PACRG: variants seen among roughly 807,000 people sequenced by gnomAD.
The protein encoded by PACRG is parkin coregulated gene protein.
Under a neutral mutation model 29.7 loss-of-function variants are expected in PACRG, and 29 were observed. That is an observed-to-expected ratio of 0.98 (90% CI 0.73 to 1.33). The LOEUF is 1.33. Among genes scored for constraint, PACRG ranks in the 40% most tolerant of loss-of-function variants. The probability of loss-of-function intolerance (pLI) is 0.00; values close to 1 mark genes in which losing one functional copy is unlikely to be tolerated. For synonymous variants in PACRG, 116 were observed against 118.7 expected (o/e 0.98, Z 0.15); for missense variants, 279 against 316.2 (o/e 0.88, Z 0.89).
At chr6:162,979,329 T>G (rs1802218246) in intron 2 of PACRG, among the ~76,000 whole-genome samples, 1 of 152,178 alleles carries the variant, frequency 6.6e-6, no homozygotes, top group South Asian at 2.1e-4. Flanking sequence ...TATGTCTTCT[T>G]CTCTGAAGAA....
intron 2 of PACRG, among the ~76,000 whole-genome samples, chr6:162,972,230 G>A (rs543028173): frequency 1.3e-5 from 2 of 152,268 alleles, no homozygotes; most frequent in East Asian, 3.9e-4. Context: ...CCACCCTGCA[G>A]TGATTCATTA....
chr6:162,898,786 T>C (rs1357249140), intron 2 of PACRG, among the ~76,000 whole-genome samples: 1 of 152,254 alleles, frequency 6.6e-6, no homozygotes, highest in Non-Finnish European at 1.5e-5. Context: ...CGTTTTACTT[T>C]ATTGATGCCT....
intron 2 of PACRG, among the ~76,000 whole-genome samples, chr6:162,952,824 A>G (rs966037272): frequency 1.3e-5 from 2 of 152,148 alleles, no homozygotes; most frequent in African/African-American, 2.4e-5. Flanking sequence ...TGCAGCTCAA[A>G]TGGCACCAAA....
chr6:163,055,377 C>T lies in PACRG; in HGVS notation c.292-6773C>T, dbSNP rs189888983. On this transcript the variant is annotated intron_variant, in intron 2 of 4. Transcript: ENST00000366888. The surrounding 1 kb of genome is among the most constrained non-coding windows in gnomAD (Gnocchi z 4.0). ...ACGCACACACACGCACACATATACA[C>T]ACATGCACTCACATATATACACACG... Among the ~76,000 whole-genome samples, 25 of 152,136 alleles carry T rather than the reference C, an allele frequency of 1.6e-4. No homozygotes were observed. The South Asian group carries it at 4.4e-3, about 27-fold the overall frequency.
chr6:162,868,016 T>C (rs927903058), intron 2 of PACRG, among the ~76,000 whole-genome samples: 1 of 152,238 alleles, frequency 6.6e-6, no homozygotes, highest in African/African-American at 2.4e-5. Context: ...CAGGCGCCAT[T>C]TACCCTTCAG....
chr6:163,089,310 T>C lies in PACRG; in HGVS notation c.515T>C (p.Leu172Pro), dbSNP rs763183103. The change falls in exon 4 of 5, where the codon CTC (leucine) becomes CCC (proline). Residue 172 changes from leucine (L) to proline (P), a missense_variant. Transcript: ENST00000366888. ...RQVICVTLKV[L>P]QHLVVSAEMV... ...GTCATCTGTGTCACTCTCAAGGTCC[T>C]CCAGCATCTGGTTGTGTCAGCTGAG... 2.5e-6 allele frequency: 4 copies of C among 1,614,148 alleles called. No homozygotes were observed. Among genetic ancestry groups the C allele is most frequent in the Non-Finnish European group, 3.4e-6 (4 of 1,180,006 alleles).
At chr6:162,922,171 T>G (rs957737480) in intron 2 of PACRG, among the ~76,000 whole-genome samples, 1 of 151,354 alleles carries the variant, frequency 6.6e-6, no homozygotes, top group African/African-American at 2.4e-5. Flanking sequence ...CTTATCAGCA[T>G]GTAGGTTAAC....
intron 1 of PACRG, among the ~76,000 whole-genome samples, chr6:162,750,939 G>A (rs1009631265): frequency 2.0e-5 from 3 of 152,132 alleles, no homozygotes; most frequent in Non-Finnish European, 4.4e-5. Flanking sequence ...TGAGTTACGT[G>A]CTCAGGAAGG....
chr6:163,159,609 CGTTCTGGTAA>C (rs1252108032), intron 4 of PACRG, among the ~76,000 whole-genome samples: 1 of 151,970 alleles, frequency 6.6e-6, no homozygotes, highest in Non-Finnish European at 1.5e-5. Context: ...ATATAATGAG[CGTTCTGGTAA>C]GTTCTTTACA....
At chr6:163,269,789 A>ACAGACAGG (rs1554237793) in intron 4 of PACRG, among the ~76,000 whole-genome samples, 3 of 84,526 alleles carry the variant, frequency 3.5e-5, no homozygotes, top group Admixed American at 1.4e-4. Flanking sequence ...AGACAGAAAG[A>ACAGACAGG]AAGAAAGGAA....
intron 4 of PACRG, among the ~76,000 whole-genome samples, chr6:163,269,680 TA>T (rs1383061741): frequency 6.6e-6 from 1 of 151,064 alleles, no homozygotes; most frequent in Non-Finnish European, 1.5e-5. Flanking sequence ...TATGGATCTT[TA>T]AAAAAGTGAT....
intron 4 of PACRG, among the ~76,000 whole-genome samples, chr6:163,237,202 G>C (rs1782280231): frequency 6.6e-6 from 1 of 152,144 alleles, no homozygotes; most frequent in Admixed American, 6.5e-5. Flanking sequence ...ATATATATCA[G>C]TGGTTTGATT....
At chr6:162,807,595 T>C (rs1441687178) in intron 1 of PACRG, among the ~76,000 whole-genome samples, 1 of 152,192 alleles carries the variant, frequency 6.6e-6, no homozygotes, top group African/African-American at 2.4e-5. Flanking sequence ...ATTAAATTTG[T>C]TGCCTTATAT....
chr6:162,957,305 G>A (rs529157144), intron 2 of PACRG: 11 of 580,240 alleles, frequency 1.9e-5, no homozygotes, highest in African/African-American at 1.5e-4. Flanking sequence ...AAGAAAGCAC[G>A]CTTGATCCTG....
intron 2 of PACRG, among the ~76,000 whole-genome samples, chr6:163,002,124 T>A (rs1008379595): frequency 6.6e-6 from 1 of 152,204 alleles, no homozygotes; most frequent in African/African-American, 2.4e-5. Flanking sequence ...TGTACACATT[T>A]CTTTGGAGGT....
chr6:162,947,297 CAT>C (rs59336348), intron 2 of PACRG, among the ~76,000 whole-genome samples: 1 of 117,744 alleles, frequency 8.5e-6, no homozygotes, highest in Admixed American at 9.6e-5. Context: ...TACATATAAT[CAT>C]ATAATATATA....
chr6:163,173,657 C>T lies in PACRG; in HGVS notation c.613+84249C>T, dbSNP rs780710435. ...GGTTTTTGCCTCAGGACCTCCAGAA[C>T]GTGGGTGTGGCTGAAGTTGCTGCTT... On this transcript the variant is annotated intron_variant, in intron 4 of 4. Transcript: ENST00000366888. Among the ~76,000 whole-genome samples the T allele has an allele frequency of 1.5e-4, 23 of 152,206 alleles. 1 individual carries two copies. The highest frequency in any genetic ancestry group is 2.1e-4 in the South Asian group (1 of 4,830).
chr6:162,935,516 C>T (rs1478348733), intron 2 of PACRG, among the ~76,000 whole-genome samples: 2 of 149,956 alleles, frequency 1.3e-5, no homozygotes, highest in East Asian at 2.0e-4. Context: ...TTATTTCCCT[C>T]ATTATATGTT....
chr6:162,785,563 C>T (rs1199641024), intron 1 of PACRG, among the ~76,000 whole-genome samples: 6 of 129,332 alleles, frequency 4.6e-5, no homozygotes, highest in South Asian at 2.8e-4. Context: ...TTTGCACAGA[C>T]GGCCAGGGGG....
Sources: allele counts gnomAD v4.1 joint callset (sites outside exome capture counted in the v4.1 genomes callset), GRCh38; gene constraint gnomAD v4.1.1; non-coding constraint Gnocchi (gnomAD v3.1); transcripts MANE v1.5; gene names NCBI Gene and HGNC (gene_info 2026-07-23, HGNC 2026-07-21).